CELF5: variants seen among roughly 807,000 people sequenced by gnomAD.
The protein encoded by CELF5 is CUGBP Elav-like family member 5, also known as CUG-BP and ETR-3 like factor 5.
A neutral mutation model predicts 54.9 loss-of-function variants in CELF5; 6 were observed. That is an observed-to-expected ratio of 0.11 (90% CI 0.06 to 0.22). The LOEUF (loss-of-function observed/expected upper bound fraction) is 0.22. CELF5 is among the 10% of genes least tolerant of loss of function. The pLI is 1.00. For synonymous variants in CELF5, 271 were observed against 290.9 expected (o/e 0.93, Z 0.70); for missense variants, 401 against 678.6 (o/e 0.59, Z 4.54).
chr19:3,268,633 T>C lies in CELF5; in HGVS notation c.343-5239T>C, dbSNP rs1381373174. Among the ~76,000 whole-genome samples, 1 of 151,764 alleles carries C rather than the reference T, an allele frequency of 6.6e-6. No homozygotes were observed. Among genetic ancestry groups the C allele is most frequent in the Non-Finnish European group, 1.5e-5 (1 of 67,938 alleles). On this transcript the variant is annotated intron_variant, in intron 2 of 12. Coordinates refer to ENST00000292672, the MANE Select transcript of CELF5 (RefSeq NM_021938.4). This position sits in a 1 kb window ranked among gnomAD's most constrained non-coding sequence, Gnocchi z 4.4. The stretch of plus-strand genomic sequence containing the variant: ...AACCCGTGTATCATTTCCGCTGTCA[T>C]TTGTGGACCCTGGGCTAAGGGTCTT...
chr19:3,268,229 C>T lies in CELF5; in HGVS notation c.343-5643C>T, dbSNP rs1031650238. Among the ~76,000 whole-genome samples the T allele has an allele frequency of 6.6e-6, 1 of 151,968 alleles. No homozygotes were observed. The highest frequency in any genetic ancestry group is 2.4e-5 in the African/African-American group (1 of 41,382). ...GGCCAGGCTGGTCTCGAACTCCTGACCTCAGGTGATCCGCCCGCCTCAGCC... is the reference window on the plus strand; with the variant it reads ...GGCCAGGCTGGTCTCGAACTCCTGATCTCAGGTGATCCGCCCGCCTCAGCC... On this transcript the variant is annotated intron_variant, in intron 2 of 12. Coordinates refer to ENST00000292672, the MANE Select transcript of CELF5 (RefSeq NM_021938.4). The surrounding 1 kb of genome is among the most constrained non-coding windows in gnomAD (Gnocchi z 4.4).
At chr19:3,273,170 T>C (rs1392140184) in intron 2 of CELF5, among the ~76,000 whole-genome samples, 2 of 152,014 alleles carry the variant, frequency 1.3e-5, no homozygotes, top group Non-Finnish European at 2.9e-5. Context: ...ACTACTCCAG[T>C]CATTGTATTT....
At chr19:3,244,644 T>C (rs533264013) in intron 1 of CELF5, among the ~76,000 whole-genome samples, 1 of 150,906 alleles carries the variant, frequency 6.6e-6, no homozygotes, top group East Asian at 2.0e-4. Context: ...GGTGTGTGTA[T>C]GTATCTGTGT....
chr19:3,256,051 C>G (rs1033509734), intron 2 of CELF5, among the ~76,000 whole-genome samples: 1 of 101,238 alleles, frequency 9.9e-6, no homozygotes, highest in Non-Finnish European at 2.0e-5. Flanking sequence ...GGTGACAGAA[C>G]AAGACCCTGT....
chr19:3,241,511 TGTGCAGCAAG>T (rs2079490762), intron 1 of CELF5, among the ~76,000 whole-genome samples: 1 of 151,710 alleles, frequency 6.6e-6, no homozygotes, highest in Non-Finnish European at 1.5e-5. Flanking sequence ...GCTCTCCAGG[TGTGCAGCAAG>T]GCTGCACACC....
intron 5 of CELF5, among the ~76,000 whole-genome samples, chr19:3,280,341 C>T (rs1413773684): frequency 6.6e-6 from 1 of 151,728 alleles, no homozygotes; most frequent in Admixed American, 6.6e-5. Context: ...GAGGTCGAGG[C>T]GGGCGGATCA....
chr19:3,287,645 T>C (rs1454502258), intron 10 of CELF5, among the ~76,000 whole-genome samples: 7 of 151,630 alleles, frequency 4.6e-5, no homozygotes. Flanking sequence ...TCCAACACTT[T>C]GGGAGGCCAC....
At chr19:3,236,326 G>A (rs1917597388) in intron 1 of CELF5, among the ~76,000 whole-genome samples, 1 of 152,182 alleles carries the variant, frequency 6.6e-6, no homozygotes, top group African/African-American at 2.4e-5. Context: ...AGGGTCCTGT[G>A]TCCTTTTCAG....
chr19:3,266,890 G>C (rs1476463504), intron 2 of CELF5, among the ~76,000 whole-genome samples: 2 of 152,164 alleles, frequency 1.3e-5, no homozygotes, highest in African/African-American at 4.8e-5. Context: ...CTCCTCTGCA[G>C]GGAGCTGAAG....
intron 9 of CELF5, among the ~76,000 whole-genome samples, 186 bp downstream of exon 9, chr19:3,285,150 C>T (rs529795566): frequency 1.3e-3 from 201 of 151,318 alleles, no homozygotes; most frequent in Non-Finnish European, 2.5e-3. Flanking sequence ...TGTTACTGGT[C>T]CCACCCCACC....
chr19:3,229,329 C>A (rs1917134818), intron 1 of CELF5, among the ~76,000 whole-genome samples: 1 of 152,152 alleles, frequency 6.6e-6, no homozygotes, highest in South Asian at 2.1e-4. Flanking sequence ...TCTGCCATCC[C>A]TACCCCCCAT....
Position 3,230,505 on chromosome 19 carries a change from G to A in CELF5, c.259+5507G>A, listed in dbSNP as rs184101468. Among the ~76,000 whole-genome samples, 167 of 152,338 alleles carry A rather than the reference G, an allele frequency of 1.1e-3. 2 individuals carry two copies. Among genetic ancestry groups the A allele is most frequent in the African/African-American group, 3.9e-3 (163 of 41,582 alleles). On this transcript the variant is annotated intron_variant, in intron 1 of 12. Coordinates refer to ENST00000292672, the MANE Select transcript of CELF5 (RefSeq NM_021938.4). Reference sequence around the variant, plus strand: ...AGGCATGAAGAATTTGCACAGCTAGGGTAGAGGACGGATTAGGTGAGGCGT... The same window carrying A: ...AGGCATGAAGAATTTGCACAGCTAGAGTAGAGGACGGATTAGGTGAGGCGT...
intron 1 of CELF5, among the ~76,000 whole-genome samples, chr19:3,241,968 T>C (rs556675022): frequency 6.6e-6 from 1 of 151,990 alleles, no homozygotes; most frequent in Admixed American, 6.6e-5. Flanking sequence ...AGAGATGGGG[T>C]TTCACCGTGT....
chr19:3,242,390 G>A (rs757383525), intron 1 of CELF5, among the ~76,000 whole-genome samples: 1 of 152,018 alleles, frequency 6.6e-6, no homozygotes, highest in Non-Finnish European at 1.5e-5. Context: ...CAAAAAATTG[G>A]CTGGGTGCAG....
intron 12 of CELF5, chr19:3,294,485 T>G (rs139345996): frequency 3.2e-4 from 49 of 152,222 alleles, no homozygotes; most frequent in African/African-American, 1.1e-3. Context: ...GACGCTCAGT[T>G]AGAAGCTGTC....
At position 3,285,965 on chromosome 19, in the gene CELF5, A is replaced by G; in HGVS notation, c.1126A>G (p.Thr376Ala). 5 of 1,583,602 alleles carry G rather than the reference A, an allele frequency of 3.2e-6. No individual in the cohort carries two copies. The highest frequency in any genetic ancestry group is 3.4e-6 in the Non-Finnish European group (4 of 1,171,736). ...YTAMYPTAAI[T>A]PIAHSVPQPP... ...AGCCATGTACCCCACCGCGGCCATC[A>G]CGCCCATCGCGCACAGCGTCCCCCA... The change falls in exon 10 of 13, where the codon ACG (threonine) becomes GCG (alanine). Residue 376 changes from threonine (T) to alanine (A), a missense_variant. Coordinates refer to ENST00000292672, the MANE Select transcript of CELF5 (RefSeq NM_021938.4).
chr19:3,249,089 A>AG (rs1174156018), intron 1 of CELF5, among the ~76,000 whole-genome samples: 2 of 151,960 alleles, frequency 1.3e-5, no homozygotes, highest in Non-Finnish European at 2.9e-5. Context: ...AGCGACCAGC[A>AG]GGTGGCCACT....
chr19:3,234,475 G>A (rs1917425543), intron 1 of CELF5, among the ~76,000 whole-genome samples: 1 of 152,104 alleles, frequency 6.6e-6, no homozygotes, highest in East Asian at 1.9e-4. Flanking sequence ...CATGATTTGG[G>A]GGTGCTTCTG....
rs1917341837 is a variant in CELF5, at chr19:3,233,021, C to T, written c.259+8023C>T. ...CCCGGGAGGCAGAGGTTGTGGTGAG[C>T]TGAGATCATGCCATTGCACTCCAGC... On this transcript the variant is annotated intron_variant, in intron 1 of 12. Transcript: ENST00000292672. Among the ~76,000 whole-genome samples the T allele has an allele frequency of 2.0e-5, 3 of 151,838 alleles. No individual in the cohort carries two copies. The South Asian group carries it at 6.2e-4, about 32-fold the overall frequency.
Sources: allele counts gnomAD v4.1 joint callset (sites outside exome capture counted in the v4.1 genomes callset), GRCh38; gene constraint gnomAD v4.1.1; non-coding constraint Gnocchi (gnomAD v3.1); transcripts MANE v1.5; gene names NCBI Gene and HGNC (gene_info 2026-07-23, HGNC 2026-07-21).